UBL3: variants seen among roughly 807,000 people sequenced by gnomAD.
UBL3 encodes ubiquitin like 3.
A neutral mutation model predicts 18.4 loss-of-function variants in UBL3; 6 were observed. The ratio of observed to expected loss-of-function variants is 0.33; its 90% confidence interval spans 0.18 to 0.64. The LOEUF is 0.64. UBL3 is among the 30% of genes least tolerant of loss of function. UBL3 has a pLI of 0.76. For missense variants in UBL3, 109 were observed against 142.9 expected, an observed-to-expected ratio of 0.76 and a Z score of 1.21; for synonymous variants, 49 against 46.6, an observed-to-expected ratio of 1.05 and a Z score of -0.21.
In UBL3 at chr13:29,798,055, G is replaced by C. The variant is rs999090470; in HGVS notation, c.28-20792C>G. Reference sequence around the variant, plus strand: ...ATTTTTTTTTTGGAGACTGAGTCTTGCTCTGTTGTGCCCAGGCTAGAGTGC... The same window carrying C: ...ATTTTTTTTTTGGAGACTGAGTCTTCCTCTGTTGTGCCCAGGCTAGAGTGC... On this transcript the variant is annotated intron_variant, in intron 1 of 4. Transcript: ENST00000380680. Among the ~76,000 whole-genome samples the C allele has an allele frequency of 1.1e-4, 17 of 148,856 alleles. 1 individual carries two copies. Among genetic ancestry groups the C allele is most frequent in the African/African-American group, 4.0e-4 (16 of 40,316 alleles).
intron 1 of UBL3, among the ~76,000 whole-genome samples, chr13:29,835,134 AT>A (rs1566001086): frequency 0.069 from 509 of 7,406 alleles, 41 homozygotes; most frequent in East Asian, 0.13. Flanking sequence ...AAATATATAT[AT>A]ATATATATAT....
chr13:29,798,789 G>A (rs975087873), intron 1 of UBL3, among the ~76,000 whole-genome samples: 1 of 152,098 alleles, frequency 6.6e-6, no homozygotes, highest in Non-Finnish European at 1.5e-5. Context: ...CTATAGATGC[G>A]TTTAAGTACT....
intron 1 of UBL3, among the ~76,000 whole-genome samples, chr13:29,786,049 C>T (rs572225907): frequency 6.6e-6 from 1 of 152,230 alleles, no homozygotes; most frequent in South Asian, 2.1e-4. Context: ...TTCTACCTAG[C>T]CCATCTCTGA....
chr13:29,815,467 A>T (rs1878245463), intron 1 of UBL3, among the ~76,000 whole-genome samples: 1 of 152,208 alleles, frequency 6.6e-6, no homozygotes, highest in Non-Finnish European at 1.5e-5. Context: ...AAATGTGTTA[A>T]TAACTTCCTG....
intron 1 of UBL3, among the ~76,000 whole-genome samples, chr13:29,803,589 A>G (rs977508394): frequency 6.6e-6 from 1 of 151,268 alleles, no homozygotes; most frequent in Non-Finnish European, 1.5e-5. Flanking sequence ...ATGGAGAAAA[A>G]TCTACCAAGC....
chr13:29,808,918 GA>G (rs1005650614), intron 1 of UBL3, among the ~76,000 whole-genome samples: 1 of 151,464 alleles, frequency 6.6e-6, no homozygotes, highest in African/African-American at 2.4e-5. Context: ...ACTTTTAATT[GA>G]AAAAAAATTG....
At chr13:29,787,106 T>C (rs1193431927) in intron 1 of UBL3, among the ~76,000 whole-genome samples, 8 of 152,196 alleles carry the variant, frequency 5.3e-5, no homozygotes, top group Admixed American at 5.2e-4. Context: ...AACAAAAAGC[T>C]GTTGGGCTAT....
chr13:29,843,088 A>G (rs1879144574), intron 1 of UBL3, among the ~76,000 whole-genome samples: 1 of 152,176 alleles, frequency 6.6e-6, no homozygotes, highest in Non-Finnish European at 1.5e-5. Context: ...GAGACAGAAA[A>G]CTTCTAACTA....
In UBL3 at chr13:29,770,396, G is replaced by C. The variant is rs114925886; in HGVS notation, c.223+1716C>G. Among the ~76,000 whole-genome samples, 428 of 152,134 alleles carry C rather than the reference G, an allele frequency of 2.8e-3. 1 individual carries two copies. Among genetic ancestry groups the C allele is most frequent in the African/African-American group, 9.8e-3 (407 of 41,550 alleles). ...CAGAATTACAATAATAATTACATAA[G>C]TCAATCTGTTCATTATTCTAAAACA... On this transcript the variant is annotated intron_variant, in intron 3 of 4. Coordinates refer to ENST00000380680, the MANE Select transcript of UBL3 (RefSeq NM_007106.4).
intron 1 of UBL3, among the ~76,000 whole-genome samples, chr13:29,778,656 A>G (rs1877065252): frequency 6.6e-6 from 1 of 152,192 alleles, no homozygotes; most frequent in Non-Finnish European, 1.5e-5. Flanking sequence ...AGAGTCTACA[A>G]TGAATAAATT....
chr13:29,790,780 C>T (rs553713592), intron 1 of UBL3, among the ~76,000 whole-genome samples: 4 of 152,194 alleles, frequency 2.6e-5, no homozygotes, highest in South Asian at 2.1e-4. Flanking sequence ...AAACATCCTT[C>T]GGGAAGACTA....
chr13:29,796,450 G>T (rs1329579404), intron 1 of UBL3, among the ~76,000 whole-genome samples: 1 of 151,934 alleles, frequency 6.6e-6, no homozygotes, highest in Non-Finnish European at 1.5e-5. Flanking sequence ...ACTAACTGCT[G>T]GTGAATCTTC....
intron 1 of UBL3, among the ~76,000 whole-genome samples, chr13:29,829,617 C>A (rs1012996732): frequency 1.3e-5 from 2 of 152,206 alleles, no homozygotes; most frequent in African/African-American, 4.8e-5. Flanking sequence ...AAAGGGAATT[C>A]CTTGACCCCT....
At chr13:29,816,754 CAAAAAAAAAAAA>C (rs57272367) in intron 1 of UBL3, among the ~76,000 whole-genome samples, 560 of 42,630 alleles carry the variant, frequency 0.013, 13 homozygotes, top group East Asian at 0.1. Flanking sequence ...GACCCTGTCT[CAAAAAAAAAAAA>C]AAAAAAAAAA....
chr13:29,834,227 T>G (rs1192746803), intron 1 of UBL3, among the ~76,000 whole-genome samples: 2 of 150,354 alleles, frequency 1.3e-5, no homozygotes, highest in Non-Finnish European at 3.0e-5. Flanking sequence ...AATGAATACA[T>G]GTAGACTAGT....
At chr13:29,809,936 G>T (rs916337081) in intron 1 of UBL3, among the ~76,000 whole-genome samples, 1 of 151,846 alleles carries the variant, frequency 6.6e-6, no homozygotes, top group Non-Finnish European at 1.5e-5. Flanking sequence ...ATCCAACATA[G>T]TGTTCAGACT....
chr13:29,807,842 A>G (rs898096981), intron 1 of UBL3, among the ~76,000 whole-genome samples: 9 of 152,312 alleles, frequency 5.9e-5, no homozygotes, highest in Admixed American at 2.0e-4. Context: ...TACAAAGGCT[A>G]TCTTTGGGAG....
rs1878821748 is a variant in UBL3 at position 29,833,020 on chromosome 13, C to T, written c.27+16492G>A. Among the ~76,000 whole-genome samples, 4 of 152,146 alleles carry T rather than the reference C, an allele frequency of 2.6e-5. No individual in the cohort carries two copies. The South Asian group carries it at 8.3e-4, about 31-fold the overall frequency. Reference sequence around the variant, plus strand: ...AGTTAAAAGAAAGATTATGGACAAGCAGGGGTTCATTACAACTCAAACACA... The same window carrying T: ...AGTTAAAAGAAAGATTATGGACAAGTAGGGGTTCATTACAACTCAAACACA... On this transcript the variant is annotated intron_variant, in intron 1 of 4. Coordinates refer to ENST00000380680, the MANE Select transcript of UBL3 (RefSeq NM_007106.4).
intron 1 of UBL3, among the ~76,000 whole-genome samples, chr13:29,795,755 GAAAAAAAAAA>G (rs57782695): frequency 6.0e-5 from 4 of 66,190 alleles, no homozygotes; most frequent in Non-Finnish European, 8.3e-5. Flanking sequence ...CCTCATCTCA[GAAAAAAAAAA>G]AAAAAAAAAA....
Sources: allele counts gnomAD v4.1 joint callset (sites outside exome capture counted in the v4.1 genomes callset), GRCh38; gene constraint gnomAD v4.1.1; transcripts MANE v1.5; gene names NCBI Gene and HGNC (gene_info 2026-07-23, HGNC 2026-07-21).